Variants in HIVEP2 observed in about 807,000 individuals in gnomAD.
HIVEP2 encodes the protein HIVEP zinc finger 2.
In HIVEP2, 14 loss-of-function variants were observed where a neutral mutation model predicts 180.7. The ratio of observed to expected loss-of-function variants is 0.08; its 90% CI spans 0.05 to 0.12. HIVEP2 has a LOEUF of 0.12. Ranked by LOEUF, HIVEP2 falls within the 10% of genes least tolerant of loss-of-function variation. The pLI is 1.00. For missense variants in HIVEP2, 2,579 were observed against 3,008.5 expected (o/e 0.86, Z 3.34); for synonymous variants, 1,184 against 1,136.4 (o/e 1.04, Z -0.84).
intron 2 of HIVEP2, among the ~76,000 whole-genome samples, chr6:142,812,299 A>G (rs941263137): frequency 6.6e-6 from 1 of 152,222 alleles, no homozygotes; most frequent in African/African-American, 2.4e-5. Flanking sequence ...AGTGCCTAGT[A>G]TTCACAAAGG....
chr6:142,913,954 G>A (rs748877721), intron 1 of HIVEP2, among the ~76,000 whole-genome samples: 5 of 151,904 alleles, frequency 3.3e-5, no homozygotes, highest in Admixed American at 6.6e-5. Flanking sequence ...ACAGTGTACC[G>A]CAAAACTCAG....
chr6:142,847,281 C>T (rs1048450572), intron 1 of HIVEP2, among the ~76,000 whole-genome samples: 1 of 152,146 alleles, frequency 6.6e-6, no homozygotes, highest in South Asian at 2.1e-4. Context: ...TCCAAATCAT[C>T]GTTCTGGCTC....
At chr6:142,845,797 C>T (rs890202652) in intron 1 of HIVEP2, among the ~76,000 whole-genome samples, 5 of 152,236 alleles carry the variant, frequency 3.3e-5, no homozygotes, top group Admixed American at 3.3e-4. Flanking sequence ...AGATTGACAG[C>T]GCCCTGGCAG....
chr6:142,904,631 G>A (rs913994181), intron 1 of HIVEP2, among the ~76,000 whole-genome samples: 4 of 151,978 alleles, frequency 2.6e-5, no homozygotes, highest in Admixed American at 1.3e-4. Context: ...ATGAAAATAA[G>A]GCAACCCAAT....
intron 2 of HIVEP2, among the ~76,000 whole-genome samples, chr6:142,785,454 G>C (rs184013815): frequency 6.6e-6 from 1 of 151,686 alleles, no homozygotes; most frequent in African/African-American, 2.4e-5. Context: ...ACCTTAACTT[G>C]CAGTAGTCAG....
intron 1 of HIVEP2, among the ~76,000 whole-genome samples, chr6:142,914,596 G>A (rs896912677): frequency 1.6e-4 from 24 of 152,142 alleles, no homozygotes; most frequent in African/African-American, 5.8e-4. Context: ...GTTGCAGGGA[G>A]AGGTTAAATG....
intron 6 of HIVEP2, among the ~76,000 whole-genome samples, chr6:142,765,472 C>T (rs912755716): frequency 1.3e-5 from 2 of 152,210 alleles, no homozygotes; most frequent in African/African-American, 2.4e-5. Context: ...CAAGTTCCTA[C>T]TCTATTTTTA....
rs1775205441 is a variant in HIVEP2, at chr6:142,760,617, T to C, written c.5671A>G (p.Ile1891Val). 6.2e-7 allele frequency: 1 copy of C among 1,613,528 alleles called. No individual in the cohort carries two copies. The highest frequency in any genetic ancestry group is 1.3e-5 in the African/African-American group (1 of 74,914). ...KAAEKHSMSS[I>V]STDHQFSDAE... ...TCGGAGAACTGATGATCAGTTGAAA[T>C]GCTGGACATGCTATGCTTCTCTGCT... The change falls in exon 9 of 10, where the codon ATT becomes GTT. Residue 1891 changes from isoleucine (I) to valine (V), a missense_variant. Transcript: ENST00000367603.
Position 142,864,055 on chromosome 6 carries a change from A to G in HIVEP2, c.-640-27008T>C, listed in dbSNP as rs1776072977. ...TGCATGATTTACCTTTGCCCCTACC[A>G]TTGGAAAGACCACCCAGTAAGCAGC... On this transcript the variant is annotated intron_variant, in intron 1 of 9. Transcript: ENST00000367603. Among the ~76,000 whole-genome samples, 3 of 152,274 alleles carry G rather than the reference A, an allele frequency of 2.0e-5. No individual in the cohort carries two copies. The South Asian group carries it at 6.2e-4, about 32-fold the overall frequency.
In HIVEP2 at chr6:142,760,376, T is replaced by G; in HGVS notation, c.5912A>C (p.Tyr1971Ser). 6.2e-7 allele frequency: 1 copy of G among 1,614,174 alleles called. No individual in the cohort carries two copies. The highest frequency in any genetic ancestry group is 1.1e-5 in the South Asian group (1 of 91,082). The change falls in exon 9 of 10, where the codon TAT becomes TCT. Residue 1971 changes from tyrosine to serine, a missense_variant. Physicochemically the swap from Tyr to Ser is moderately radical, Grantham distance 144. Around this residue, in one of 11 missense-constraint regions of HIVEP2, gnomAD observed 660 missense variants for 731.7 expected, o/e 0.90. Coordinates refer to ENST00000367603, the MANE Select transcript of HIVEP2 (RefSeq NM_006734.4). ...TCGAATACTTGGCAAAGTAACCAAATAGCTGATCAACGAAGAATGTCCCAG... is the reference window on the plus strand; with the variant it reads ...TCGAATACTTGGCAAAGTAACCAAAGAGCTGATCAACGAAGAATGTCCCAG... ...SSLGHSSLISYLVTLPSIRVT... is the reference protein window; with the variant it reads ...SSLGHSSLISSLVTLPSIRVT...
intron 7 of HIVEP2, among the ~76,000 whole-genome samples, chr6:142,764,341 T>G (rs1439888811): frequency 6.6e-6 from 1 of 152,244 alleles, no homozygotes; most frequent in Non-Finnish European, 1.5e-5. Flanking sequence ...GCATAATTAA[T>G]GCAACTGTGG....
intron 9 of HIVEP2, among the ~76,000 whole-genome samples, chr6:142,759,266 G>C (rs149563157): frequency 6.6e-6 from 1 of 152,120 alleles, no homozygotes; most frequent in Non-Finnish European, 1.5e-5. Context: ...TCGTGCCACT[G>C]CACTCCAGCC....
intron 7 of HIVEP2, among the ~76,000 whole-genome samples, chr6:142,764,255 T>G (rs1775326736): frequency 6.6e-6 from 1 of 152,230 alleles, no homozygotes; most frequent in African/African-American, 2.4e-5. Context: ...TTTATAAGAC[T>G]AACAGTTATG....
intron 1 of HIVEP2, among the ~76,000 whole-genome samples, chr6:142,869,074 T>G (rs1223225004): frequency 2.6e-5 from 4 of 152,180 alleles, no homozygotes; most frequent in Admixed American, 1.3e-4. Flanking sequence ...CATTTTTTAT[T>G]GTCACAACTG....
At chr6:142,898,535 G>A (rs1472870328) in intron 1 of HIVEP2, among the ~76,000 whole-genome samples, 4 of 151,992 alleles carry the variant, frequency 2.6e-5, no homozygotes, top group Non-Finnish European at 4.4e-5. Context: ...GGTGGTGCAC[G>A]CCTGTCATCC....
At chr6:142,818,690 G>T (rs897052208) in intron 2 of HIVEP2, among the ~76,000 whole-genome samples, 1 of 38,662 alleles carries the variant, frequency 2.6e-5, no homozygotes, top group South Asian at 9.7e-4. Context: ...AAGAGAGAGA[G>T]ACAAGAAAGA....
intron 1 of HIVEP2, among the ~76,000 whole-genome samples, chr6:142,860,482 A>G (rs1259473667): frequency 6.6e-6 from 1 of 152,152 alleles, no homozygotes; most frequent in Admixed American, 6.5e-5. Context: ...GTACACTGTA[A>G]TAATGAAATA....
At chr6:142,872,043 G>A (rs943985788) in intron 1 of HIVEP2, among the ~76,000 whole-genome samples, 1 of 152,098 alleles carries the variant, frequency 6.6e-6, no homozygotes, top group Non-Finnish European at 1.5e-5. Context: ...GCCATTACCC[G>A]AGAAAACCCC....
At chr6:142,916,943 C>A (rs567102229) in intron 1 of HIVEP2, among the ~76,000 whole-genome samples, 2 of 152,300 alleles carry the variant, frequency 1.3e-5, no homozygotes, top group Admixed American at 6.5e-5. Flanking sequence ...TAGAAAGATA[C>A]ATACAGTATT....
Sources: gnomAD v4.1 joint callset for allele counts (sites outside exome capture counted in the v4.1 genomes callset) on GRCh38, gnomAD v4.1.1 for gene constraint, gnomAD v4.1.1 regional missense constraint, MANE v1.5 for transcripts, NCBI Gene and HGNC (gene_info 2026-07-23, HGNC 2026-07-21) for gene names.